CSMD1: variants seen among roughly 807,000 people sequenced by gnomAD.
The protein encoded by CSMD1 is CUB and sushi domain-containing protein 1.
CSMD1 carries 213 observed loss-of-function variants against 417.5 expected under a neutral mutation model. The observed-to-expected ratio is 0.51, with a 90% CI of 0.46 to 0.57. The LOEUF (loss-of-function observed/expected upper bound fraction) is 0.57. Ranked by LOEUF, CSMD1 falls within the 20% of genes least tolerant of loss-of-function variation. The pLI, the probability that CSMD1 is intolerant of heterozygous loss-of-function variation, is 0.00. For missense variants in CSMD1, 6,923 were observed against 4,529.7 expected, an observed-to-expected ratio of 1.53 and a Z score of -15.17; for synonymous variants, 2,862 against 1,736.8, an observed-to-expected ratio of 1.65 and a Z score of -16.11.
chr8:4,200,333 T>C (rs905342043), intron 3 of CSMD1, among the ~76,000 whole-genome samples: 11 of 152,158 alleles, frequency 7.2e-5, no homozygotes, highest in African/African-American at 2.7e-4. Flanking sequence ...TGGTATGCTG[T>C]GTTTAGAGTC....
At chr8:3,023,639 C>T (rs1293650967) in intron 51 of CSMD1, among the ~76,000 whole-genome samples, 1 of 152,062 alleles carries the variant, frequency 6.6e-6, no homozygotes, top group Non-Finnish European at 1.5e-5. Context: ...TAGAACAGCA[C>T]AAACCCTTCA....
intron 5 of CSMD1, among the ~76,000 whole-genome samples, chr8:3,962,972 C>T (rs552981287): frequency 3.3e-5 from 5 of 152,182 alleles, no homozygotes; most frequent in South Asian, 4.2e-4. Context: ...ACTCTTGCTC[C>T]GTCACCCAGG....
intron 3 of CSMD1, among the ~76,000 whole-genome samples, chr8:4,397,586 G>A (rs982691335): frequency 1.3e-4 from 17 of 126,602 alleles, no homozygotes; most frequent in African/African-American, 4.2e-4. Flanking sequence ...CCAGGCCACA[G>A]TGCAGCACCT....
At chr8:4,255,730 C>G (rs1200435808) in intron 3 of CSMD1, among the ~76,000 whole-genome samples, 3 of 152,202 alleles carry the variant, frequency 2.0e-5, no homozygotes, top group Non-Finnish European at 2.9e-5. Context: ...TCTACAAAAT[C>G]TAAGCATAGA....
chr8:4,133,914 G>C (rs574041278), intron 3 of CSMD1, among the ~76,000 whole-genome samples: 1 of 152,050 alleles, frequency 6.6e-6, no homozygotes, highest in Admixed American at 6.6e-5. Context: ...GTTATCCAGG[G>C]AAACAGAATA....
chr8:3,373,824 G>C (rs534419369), intron 18 of CSMD1: 2 of 152,112 alleles, frequency 1.3e-5, no homozygotes, highest in Admixed American at 6.5e-5. Context: ...CCAACACCAA[G>C]GATGCAGGTA....
chr8:3,854,053 T>C (rs940863674), intron 5 of CSMD1, among the ~76,000 whole-genome samples: 8 of 146,032 alleles, frequency 5.5e-5, no homozygotes, highest in South Asian at 2.1e-4. Flanking sequence ...CTAAAGTATA[T>C]GTATATTATA....
Position 3,756,672 on chromosome 8 carries a change from G to T in CSMD1, c.819-2630C>A, listed in dbSNP as rs117649123. On this transcript the variant is annotated intron_variant, in intron 5 of 69. Coordinates refer to ENST00000635120, the MANE Select transcript of CSMD1 (RefSeq NM_033225.6). Reference sequence around the variant, plus strand: ...GAATACAAAAGATCAGCGAATGTAGGAAGCTGCATGTACTTGCTAAACTTT... The same window carrying T: ...GAATACAAAAGATCAGCGAATGTAGTAAGCTGCATGTACTTGCTAAACTTT... Among the ~76,000 whole-genome samples the T allele has an allele frequency of 9.3e-3, 1,420 of 152,302 alleles. 7 individuals are homozygous for T. The highest frequency in any genetic ancestry group is 0.014 in the Non-Finnish European group (965 of 68,016).
chr8:4,330,437 A>G (rs1441482650), intron 3 of CSMD1, among the ~76,000 whole-genome samples: 1 of 152,068 alleles, frequency 6.6e-6, no homozygotes, highest in African/African-American at 2.4e-5. Context: ...CAAATATACA[A>G]AAATGAACCA....
intron 3 of CSMD1, among the ~76,000 whole-genome samples, chr8:4,282,961 T>C (rs1451262913): frequency 6.6e-6 from 1 of 152,168 alleles, no homozygotes; most frequent in African/African-American, 2.4e-5. Flanking sequence ...CTTTTCAGTC[T>C]CATATATTCT....
intron 10 of CSMD1, among the ~76,000 whole-genome samples, chr8:3,530,526 T>C: frequency 6.6e-6 from 1 of 152,182 alleles, no homozygotes; most frequent in East Asian, 1.9e-4. Context: ...TTCGTTTTGT[T>C]TTGTTTTTGT....
chr8:3,929,897 G>C (rs1810023370), intron 5 of CSMD1, among the ~76,000 whole-genome samples: 1 of 150,174 alleles, frequency 6.7e-6, no homozygotes, highest in East Asian at 2.0e-4. Context: ...CCTGACCTCA[G>C]GTGATCTACC....
chr8:3,418,078 G>C (rs1363677744), intron 12 of CSMD1, among the ~76,000 whole-genome samples: 1 of 152,194 alleles, frequency 6.6e-6, no homozygotes, highest in Non-Finnish European at 1.5e-5. Flanking sequence ...GGAAAATTCG[G>C]TTGTGTACAT....
At chr8:3,942,992 G>C (rs940623893) in intron 5 of CSMD1, among the ~76,000 whole-genome samples, 3 of 152,044 alleles carry the variant, frequency 2.0e-5, no homozygotes, top group African/African-American at 7.2e-5. Flanking sequence ...ACGTTACTAA[G>C]GGGAGGTCTA....
intron 25 of CSMD1, among the ~76,000 whole-genome samples, chr8:3,297,532 A>G (rs1804056483): frequency 6.6e-6 from 1 of 152,208 alleles, no homozygotes; most frequent in Non-Finnish European, 1.5e-5. Context: ...TTGTCTCGTT[A>G]ATTACTAATT....
At chr8:3,307,330 C>T (rs1244977249) in intron 25 of CSMD1, among the ~76,000 whole-genome samples, 1 of 152,082 alleles carries the variant, frequency 6.6e-6, no homozygotes, top group Non-Finnish European at 1.5e-5. Context: ...GAGGCCCTCA[C>T]ACCTAAGGAA....
At chr8:4,585,116 A>G (rs1003872762) in intron 2 of CSMD1, among the ~76,000 whole-genome samples, 1 of 152,082 alleles carries the variant, frequency 6.6e-6, no homozygotes, top group East Asian at 1.9e-4. Context: ...AAAAAAGTAC[A>G]ATAGAAAGAG....
chr8:3,535,932 G>A (rs146161619), intron 10 of CSMD1, among the ~76,000 whole-genome samples: 13 of 152,250 alleles, frequency 8.5e-5, no homozygotes, highest in African/African-American at 2.9e-4. Flanking sequence ...AGGCTAGCAG[G>A]AGAAGCCCCC....
intron 1 of CSMD1, among the ~76,000 whole-genome samples, chr8:4,933,070 A>G (rs1213734969): frequency 6.7e-6 from 1 of 148,844 alleles, no homozygotes; most frequent in Non-Finnish European, 1.5e-5. Context: ...AATCAATAGC[A>G]CTTTCTTTTG....
Sources: allele counts gnomAD v4.1 joint callset (sites outside exome capture counted in the v4.1 genomes callset), GRCh38; gene constraint gnomAD v4.1.1; transcripts MANE v1.5; gene names NCBI Gene and HGNC (gene_info 2026-07-23, HGNC 2026-07-21).